Variants in CSMD1 observed in about 807,000 individuals in gnomAD.
The protein encoded by CSMD1 is CUB and sushi domain-containing protein 1.
Under a neutral mutation model 417.5 loss-of-function variants are expected in CSMD1, and 213 were observed. The observed-to-expected ratio is 0.51, with a 90% CI of 0.46 to 0.57. CSMD1 has a LOEUF of 0.57. Among genes scored for constraint, CSMD1 ranks in the 20% least tolerant of loss-of-function variants. CSMD1 has a pLI of 0.00. For missense variants in CSMD1, 6,923 were observed against 4,529.7 expected, an observed-to-expected ratio of 1.53 and a Z score of -15.17; for synonymous variants, 2,862 against 1,736.8, an observed-to-expected ratio of 1.65 and a Z score of -16.11.
intron 2 of CSMD1, among the ~76,000 whole-genome samples, chr8:4,519,102 C>G (rs1277773163): frequency 1.3e-5 from 2 of 152,112 alleles, no homozygotes; most frequent in African/African-American, 4.8e-5. Context: ...TTCCTTATCA[C>G]AACATACTGT....
chr8:3,278,342 G>T (rs1485115986), intron 26 of CSMD1: 1 of 152,094 alleles, frequency 6.6e-6, no homozygotes, highest in African/African-American at 2.4e-5. Flanking sequence ...ATGTGTCCAA[G>T]AAAACAAATA....
At chr8:4,081,469 A>T (rs547480106) in intron 3 of CSMD1, among the ~76,000 whole-genome samples, 13 of 152,236 alleles carry the variant, frequency 8.5e-5, no homozygotes, top group African/African-American at 2.9e-4. Flanking sequence ...GTGTCATGGG[A>T]ACACTAAATT....
chr8:4,810,543 G>T (rs761715260), intron 1 of CSMD1, among the ~76,000 whole-genome samples: 1 of 151,878 alleles, frequency 6.6e-6, no homozygotes, highest in Non-Finnish European at 1.5e-5. Flanking sequence ...GTGTGTGTGC[G>T]CACGCGCGTA....
chr8:4,091,388 T>C (rs1343910921), intron 3 of CSMD1, among the ~76,000 whole-genome samples: 2 of 152,168 alleles, frequency 1.3e-5, no homozygotes, highest in African/African-American at 4.8e-5. Flanking sequence ...ATAAAACAAA[T>C]GAATTTTAAT....
chr8:3,059,364 CTCT>C (rs1563291672), intron 49 of CSMD1, among the ~76,000 whole-genome samples: 15 of 44,188 alleles, frequency 3.4e-4, no homozygotes, highest in Non-Finnish European at 9.2e-4. Flanking sequence ...ACAACTTTTT[CTCT>C]GCTTTTCTCT....
In CSMD1 at chr8:4,031,971, T is replaced by C; in HGVS notation, c.544A>G (p.Ile182Val). 6.2e-7 allele frequency: 1 copy of C among 1,613,934 alleles called. No individual in the cohort carries two copies. Among genetic ancestry groups the C allele is most frequent in the Non-Finnish European group, 8.5e-7 (1 of 1,179,862 alleles). ...LPGYILEGHAILTCIVSPGNG... is the reference protein window; with the variant it reads ...LPGYILEGHAVLTCIVSPGNG... The stretch of plus-strand genomic sequence containing the variant: ...CCTGGGCTGACGATGCAGGTCAGGA[T>C]GGCGTGGCCTTCCAAGATGTAGCCA... Residue 182 changes from isoleucine to valine, a missense_variant, in exon 4 of 70, where the codon ATC becomes GTC. By Grantham distance (29) the Ile-to-Val change is conservative. Transcript: ENST00000635120.
intron 1 of CSMD1, among the ~76,000 whole-genome samples, chr8:4,885,362 G>C (rs1217002139): frequency 6.6e-6 from 1 of 151,876 alleles, no homozygotes; most frequent in Non-Finnish European, 1.5e-5. Context: ...AAAACCTCTA[G>C]CACAATGTTG....
At chr8:4,048,766 A>G (rs1473917863) in intron 3 of CSMD1, among the ~76,000 whole-genome samples, 5 of 152,204 alleles carry the variant, frequency 3.3e-5, no homozygotes, top group South Asian at 2.1e-4. Flanking sequence ...AAAGCTGTGT[A>G]TATCTGTGTT....
chr8:3,816,042 C>T (rs927084907), intron 5 of CSMD1, among the ~76,000 whole-genome samples: 2 of 152,158 alleles, frequency 1.3e-5, no homozygotes, highest in South Asian at 2.1e-4. Flanking sequence ...ATTAGGTCCC[C>T]GTGGGTTGGT....
rs149931553 is a variant in CSMD1, at chr8:4,931,190, C to T, written c.85+63142G>A. Among the ~76,000 whole-genome samples, 8 of 152,206 alleles carry T rather than the reference C, an allele frequency of 5.3e-5. No individual in the cohort carries two copies. In the East Asian group the frequency reaches 1.5e-3, roughly 29 times the overall value. ...TGAAATAAAGTTATTTGGGGCAGTCCTAAAAGATTGAAATATAACTCACTC... is the reference window on the plus strand; with the variant it reads ...TGAAATAAAGTTATTTGGGGCAGTCTTAAAAGATTGAAATATAACTCACTC... On this transcript the variant is annotated intron_variant, in intron 1 of 69. Transcript: ENST00000635120.
chr8:4,255,957 C>T (rs1803428325), intron 3 of CSMD1, among the ~76,000 whole-genome samples: 1 of 152,110 alleles, frequency 6.6e-6, no homozygotes, highest in Non-Finnish European at 1.5e-5. Context: ...ACGTGGTGTC[C>T]AATAAAGCTT....
At chr8:3,135,692 G>A (rs992498455) in intron 41 of CSMD1, among the ~76,000 whole-genome samples, 1 of 151,870 alleles carries the variant, frequency 6.6e-6, no homozygotes, top group African/African-American at 2.4e-5. Context: ...ACATGCTCTT[G>A]AGTGAAGTCT....
At chr8:3,639,953 C>A (rs1004245561) in intron 7 of CSMD1, among the ~76,000 whole-genome samples, 7 of 152,144 alleles carry the variant, frequency 4.6e-5, no homozygotes, top group African/African-American at 1.7e-4. Context: ...AAATATTTAT[C>A]TTGTTCACTA....
chr8:4,847,161 G>C (rs7820227), intron 1 of CSMD1, among the ~76,000 whole-genome samples: 102,273 of 152,054 alleles, frequency 0.67, 34,799 homozygotes, highest in East Asian at 0.96. Flanking sequence ...CCACTCTCTC[G>C]TAAGTCACTC....
At chr8:2,977,277 C>A (rs1310478079) in intron 55 of CSMD1, among the ~76,000 whole-genome samples, 1 of 152,106 alleles carries the variant, frequency 6.6e-6, no homozygotes. Context: ...ACCCTACTGA[C>A]AGGCCTCAGT....
intron 5 of CSMD1, among the ~76,000 whole-genome samples, chr8:3,771,248 G>C (rs1028325871): frequency 6.6e-6 from 1 of 152,140 alleles, no homozygotes; most frequent in Non-Finnish European, 1.5e-5. Flanking sequence ...TTGGCTCCGT[G>C]AGCCACTCTT....
intron 41 of CSMD1, chr8:3,128,879 G>C: frequency 4.4e-6 from 2 of 455,012 alleles, no homozygotes; most frequent in Non-Finnish European, 4.4e-6. Context: ...TGGGAAAGCA[G>C]GACCAATGTT....
At chr8:3,649,888 A>G (rs939128950) in intron 7 of CSMD1, among the ~76,000 whole-genome samples, 12 of 152,190 alleles carry the variant, frequency 7.9e-5, no homozygotes, top group African/African-American at 2.4e-4. Context: ...TTTTTTGAAT[A>G]CTATCTAGCC....
chr8:4,162,294 G>C lies in CSMD1; in HGVS notation c.416-130195C>G, dbSNP rs13248788. On this transcript the variant is annotated intron_variant, in intron 3 of 69. Transcript: ENST00000635120. ...TTTTCCAATAATAAAGTTTGCTAAA[G>C]AAAACTCAGCAAAGTTTAATGGATT... 7.8e-4 allele frequency among the ~76,000 whole-genome samples: 118 copies of C among 152,116 alleles called. 1 individual carries two copies. The East Asian group carries it at 0.022, about 28-fold the overall frequency.
Sources: gnomAD v4.1 joint callset for allele counts (sites outside exome capture counted in the v4.1 genomes callset) on GRCh38, gnomAD v4.1.1 for gene constraint, MANE v1.5 for transcripts, NCBI Gene and HGNC (gene_info 2026-07-23, HGNC 2026-07-21) for gene names.